MACROD2: variants seen among roughly 807,000 people sequenced by gnomAD.
MACROD2 encodes mono-ADP ribosylhydrolase 2.
MACROD2 carries 36 observed loss-of-function variants against 70.4 expected under a neutral mutation model. The observed-to-expected ratio is 0.51, with a 90% CI of 0.39 to 0.68. The LOEUF (loss-of-function observed/expected upper bound fraction) is 0.68, where lower values mean the gene tolerates loss of function less well. Among genes scored for constraint, MACROD2 ranks in the 30% least tolerant of loss-of-function variants. The pLI, the probability that MACROD2 is intolerant of heterozygous loss-of-function variation, is 0.00. For missense variants in MACROD2, 496 were observed against 538.4 expected (o/e 0.92, Z 0.78); for synonymous variants, 172 against 178.8 (o/e 0.96, Z 0.30).
At chr20:14,594,987 TC>T (rs1982027008) in intron 4 of MACROD2, among the ~76,000 whole-genome samples, 1 of 152,128 alleles carries the variant, frequency 6.6e-6, no homozygotes, top group South Asian at 2.1e-4. Flanking sequence ...TGTCTTTTTT[TC>T]CCCCTCTGGT....
rs561848318 is a variant in MACROD2 at position 15,377,516 on chromosome 20, C to T, written c.541-53889C>T. ...TTATTATGGAGGAATTAGTATTTCTCATTTATCTTTCAGCTCTCAAGTACT... is the reference window on the plus strand; with the variant it reads ...TTATTATGGAGGAATTAGTATTTCTTATTTATCTTTCAGCTCTCAAGTACT... On this transcript the variant is annotated intron_variant, in intron 6 of 17. Transcript: ENST00000684519. Among the ~76,000 whole-genome samples, 8 of 152,264 alleles carry T rather than the reference C, an allele frequency of 5.3e-5. No homozygotes were observed. The East Asian group carries it at 1.4e-3, about 26-fold the overall frequency.
At chr20:15,957,805 G>C (rs1016729763) in intron 12 of MACROD2, among the ~76,000 whole-genome samples, 11 of 152,308 alleles carry the variant, frequency 7.2e-5, no homozygotes, top group Non-Finnish European at 1.5e-4. Flanking sequence ...CTACCAACGA[G>C]GCTGGCCTGA....
At chr20:14,067,058 G>C (rs189197268) in intron 2 of MACROD2, among the ~76,000 whole-genome samples, 1 of 150,192 alleles carries the variant, frequency 6.7e-6, no homozygotes, top group Non-Finnish European at 1.5e-5. Flanking sequence ...TGATCCGCCC[G>C]TCTCGGCCTC....
chr20:15,817,257 G>A (rs978658723), intron 8 of MACROD2, among the ~76,000 whole-genome samples: 25 of 152,250 alleles, frequency 1.6e-4, no homozygotes, highest in African/African-American at 4.1e-4. Flanking sequence ...TTTATAAAGC[G>A]CACTCATCCC....
intron 2 of MACROD2, among the ~76,000 whole-genome samples, chr20:14,080,559 C>G (rs1271301311): frequency 3.3e-5 from 5 of 150,966 alleles, no homozygotes; most frequent in Non-Finnish European, 7.4e-5. Flanking sequence ...ATAACCAGGC[C>G]AAATCTAATG....
At chr20:15,881,000 A>G (rs534273200) in intron 9 of MACROD2, among the ~76,000 whole-genome samples, 1 of 152,134 alleles carries the variant, frequency 6.6e-6, no homozygotes, top group South Asian at 2.1e-4. Flanking sequence ...ACTTCTGTTT[A>G]CCTCCATCAG....
At chr20:15,375,862 T>C (rs1375156499) in intron 6 of MACROD2, among the ~76,000 whole-genome samples, 1 of 152,134 alleles carries the variant, frequency 6.6e-6, no homozygotes, top group Non-Finnish European at 1.5e-5. Context: ...GTGAGCAAAT[T>C]TCTCAAGGTT....
At chr20:15,639,051 G>T (rs1371156821) in intron 8 of MACROD2, among the ~76,000 whole-genome samples, 1 of 152,162 alleles carries the variant, frequency 6.6e-6, no homozygotes, top group Non-Finnish European at 1.5e-5. Flanking sequence ...GACAGCAACA[G>T]CAGGTTCGGG....
At chr20:15,744,582 T>C (rs1342614242) in intron 8 of MACROD2, among the ~76,000 whole-genome samples, 1 of 152,144 alleles carries the variant, frequency 6.6e-6, no homozygotes, top group East Asian at 1.9e-4. Flanking sequence ...TTGACCAAGC[T>C]TGTGGGTGGT....
chr20:14,397,709 G>C (rs2083595344), intron 3 of MACROD2, among the ~76,000 whole-genome samples: 1 of 151,990 alleles, frequency 6.6e-6, no homozygotes, highest in Admixed American at 6.6e-5. Context: ...GAGTAATTAG[G>C]ATTACAAACA....
intron 5 of MACROD2, among the ~76,000 whole-genome samples, chr20:14,724,940 A>G (rs1232646914): frequency 6.6e-6 from 1 of 152,186 alleles, no homozygotes; most frequent in African/African-American, 2.4e-5. Context: ...AAGGCATGTT[A>G]TGAGGCTACT....
intron 5 of MACROD2, among the ~76,000 whole-genome samples, chr20:15,055,134 G>A (rs912048535): frequency 1.3e-5 from 2 of 152,020 alleles, no homozygotes; most frequent in African/African-American, 4.8e-5. Flanking sequence ...ATTTTTAGTA[G>A]AGACAGGGTT....
chr20:15,719,824 G>A (rs2050760975), intron 8 of MACROD2, among the ~76,000 whole-genome samples: 1 of 151,946 alleles, frequency 6.6e-6, no homozygotes, highest in Admixed American at 6.6e-5. Flanking sequence ...CTCTCTTCTA[G>A]CTATTTTCAC....
rs780555386 is a variant in MACROD2, at chr20:14,596,073, T to TTA, written c.302-88758_302-88757dup. Among the ~76,000 whole-genome samples, 109 of 150,750 alleles carry TTA rather than the reference T, an allele frequency of 7.2e-4. 1 individual carries two copies. The highest frequency in any genetic ancestry group is 5.8e-3 in the East Asian group (30 of 5,146). Reference sequence around the variant, plus strand: ...TTTCCACACATACACCCACACACATTTATATATATATATGTAATTTTTTTA... The same window carrying TTA: ...TTTCCACACATACACCCACACACATTTATATATATATATATGTAATTTTTTTA... On this transcript the variant is annotated intron_variant, in intron 4 of 17. Coordinates refer to ENST00000684519, the MANE Select transcript of MACROD2 (RefSeq NM_001351661.2).
At chr20:15,071,900 A>G (rs926999348) in intron 5 of MACROD2, among the ~76,000 whole-genome samples, 2 of 152,010 alleles carry the variant, frequency 1.3e-5, no homozygotes, top group Admixed American at 1.3e-4. Flanking sequence ...ATTTGGCTTC[A>G]TTTCTTCTAT....
At chr20:15,408,579 C>A (rs1044595888) in intron 6 of MACROD2, among the ~76,000 whole-genome samples, 6 of 152,178 alleles carry the variant, frequency 3.9e-5, no homozygotes, top group Admixed American at 2.6e-4. Flanking sequence ...GGAGCAAAGT[C>A]CTCACTAAAT....
intron 8 of MACROD2, among the ~76,000 whole-genome samples, chr20:15,585,288 C>T (rs909260902): frequency 3.3e-5 from 5 of 151,624 alleles, no homozygotes; most frequent in Non-Finnish European, 1.5e-5. Flanking sequence ...ACCTCCGCCT[C>T]CTGGGTTCAA....
At chr20:15,290,903 AT>A (rs1343408010) in intron 6 of MACROD2, among the ~76,000 whole-genome samples, 1 of 152,220 alleles carries the variant, frequency 6.6e-6, no homozygotes, top group Non-Finnish European at 1.5e-5. Context: ...ATAACATGCT[AT>A]TCCTACAGAG....
At chr20:14,816,613 CATACAT>C (rs1167370324) in intron 5 of MACROD2, among the ~76,000 whole-genome samples, 5 of 152,022 alleles carry the variant, frequency 3.3e-5, no homozygotes, top group Non-Finnish European at 7.4e-5. Context: ...GTGTTATACT[CATACAT>C]ATAAACTGTA....
Sources: gnomAD v4.1 joint callset for allele counts (sites outside exome capture counted in the v4.1 genomes callset) on GRCh38, gnomAD v4.1.1 for gene constraint, MANE v1.5 for transcripts, NCBI Gene and HGNC (gene_info 2026-07-23, HGNC 2026-07-21) for gene names.